AKNA: variants seen among roughly 807,000 people sequenced by gnomAD.
AKNA encodes AT-hook transcription factor, also known as microtubule organization protein AKNA.
Under a neutral mutation model 138.8 loss-of-function variants are expected in AKNA, and 67 were observed. That is an observed-to-expected ratio of 0.48 (90% confidence interval 0.40 to 0.59). The LOEUF (loss-of-function observed/expected upper bound fraction) is 0.59. Ranked by LOEUF, AKNA falls within the 20% of genes least tolerant of loss-of-function variation. The probability of loss-of-function intolerance (pLI) is 0.00; values close to 1 mark genes in which losing one functional copy is unlikely to be tolerated. For missense variants in AKNA, 1,813 were observed against 1,880.4 expected (o/e 0.96, Z 0.66); for synonymous variants, 737 against 754.4 (o/e 0.98, Z 0.38).
chr9:114,342,062 C>T lies in AKNA; in HGVS notation c.3821G>A (p.Cys1274Tyr). 6.2e-7 allele frequency: 1 copy of T among 1,613,772 alleles called. No homozygotes were observed. The highest frequency in any genetic ancestry group is 1.3e-5 in the African/African-American group (1 of 75,022). ...CTCTGGGGGAGACCCAACTTGACCA[C>T]ACAGGGGACACTGAAGGGTATCAGC... Reference protein sequence around the residue: ...PPADTLQCPLCGQVGSPPEAD... With the variant: ...PPADTLQCPLYGQVGSPPEAD... Residue 1274 changes from cysteine to tyrosine, a missense_variant, in exon 20 of 22, where the codon TGT becomes TAT. By Grantham distance (194) the Cys-to-Tyr change is radical. Coordinates refer to ENST00000374088, the MANE Select transcript of AKNA (RefSeq NM_001317950.2).
At chr9:114,393,167 G>A (rs570858272) in intron 1 of AKNA, among the ~76,000 whole-genome samples, 1 of 151,620 alleles carries the variant, frequency 6.6e-6, no homozygotes, top group South Asian at 2.1e-4. Flanking sequence ...TTTTATAGGT[G>A]AGGAAGCTGG....
At chr9:114,330,665 C>A, downstream of AKNA, 1 of 1,600,002 alleles carries the variant, frequency 6.2e-7, no homozygotes. Context: ...CTTGGCCTTC[C>A]CATGGGTGGA....
chr9:114,337,013 G>GTCCCCCCCCC lies in AKNA; in HGVS notation c.*40_*41insGGGGGGGGGA. ...CCACTCCTGGCCTGGCAGGCCACCT[G>GTCCCCCCCCC]CCCACCCACCCACCCATCTGCCTCT... is the stretch of plus-strand genomic sequence containing the variant. On this transcript the variant is annotated 3_prime_UTR_variant, in exon 22 of 22. Coordinates refer to ENST00000374088, the MANE Select transcript of AKNA (RefSeq NM_001317950.2). 1 of 1,185,370 alleles carries GTCCCCCCCCC rather than the reference G, an allele frequency of 8.4e-7. No homozygotes were observed. The highest frequency in any genetic ancestry group is 2.5e-5 in the South Asian group (1 of 40,612). The allele number at this position is 1,185,370 out of a possible 1,614,324, so 73.4% of individuals were successfully genotyped here.
At chr9:114,332,126 A>C (rs1398528434), downstream of AKNA, among the ~76,000 whole-genome samples, 1 of 151,728 alleles carries the variant, frequency 6.6e-6, no homozygotes, top group African/African-American at 2.4e-5. Context: ...AGGAGGGAGA[A>C]GTCCCTGTGA....
chr9:114,364,453 CT>C, intron 7 of AKNA, 106 bp downstream of exon 7: 1 of 1,175,888 alleles, frequency 8.5e-7, no homozygotes, highest in East Asian at 2.3e-5. Context: ...GACCCTGTGT[CT>C]GGGATTCTCT....
intron 4 of AKNA, among the ~76,000 whole-genome samples, chr9:114,370,608 G>A (rs951882594): frequency 6.6e-6 from 1 of 151,984 alleles, no homozygotes; most frequent in African/African-American, 2.4e-5. Flanking sequence ...ACACAGCCAG[G>A]GTGTCCCGGG....
chr9:114,363,434 G>A (rs1414839428), intron 7 of AKNA, among the ~76,000 whole-genome samples: 3 of 152,158 alleles, frequency 2.0e-5, no homozygotes, highest in African/African-American at 7.2e-5. Flanking sequence ...TGTATATGGG[G>A]GGATTAGAAC....
chr9:114,331,721 C>A (rs751517453), downstream of AKNA: 21 of 1,582,240 alleles, frequency 1.3e-5, no homozygotes, highest in East Asian at 3.6e-4. Context: ...TCAGGCCTCA[C>A]CCCCCATTCA....
intron 13 of AKNA, 66 bp downstream of exon 13, chr9:114,356,797 C>A: frequency 2.2e-6 from 3 of 1,346,384 alleles, no homozygotes. Context: ...CCATCACAGG[C>A]ACTGTGATTC....
In AKNA at chr9:114,346,721, C is replaced by T; in HGVS notation, c.3462G>A (p.Arg1154=). Residue 1154 remains arginine (R), a synonymous_variant, in exon 17 of 22, where the codon AGG becomes AGA. Transcript: ENST00000374088. ...RGEEQIVPPG[R]QRARSSSVPR... ...GCACTGAGGAAGACCTGGCTCGCTGCCTTCCTGGAGGGACAATCTGCTCTT... is the reference window on the plus strand; with the variant it reads ...GCACTGAGGAAGACCTGGCTCGCTGTCTTCCTGGAGGGACAATCTGCTCTT... The T allele has an allele frequency of 6.2e-7, 1 of 1,613,030 alleles. No homozygotes were observed. The highest frequency in any genetic ancestry group is 8.5e-7 in the Non-Finnish European group (1 of 1,179,548).
Position 114,355,939 on chromosome 9 carries a change from A to G in AKNA, c.3044T>C (p.Leu1015Pro). The G allele has an allele frequency of 1.9e-6, 3 of 1,614,178 alleles. No individual in the cohort carries two copies. Among genetic ancestry groups the G allele is most frequent in the Non-Finnish European group, 1.7e-6 (2 of 1,180,018 alleles). Residue 1015 changes from leucine (L) to proline (P), a missense_variant, in exon 14 of 22, where the codon CTG (leucine) becomes CCG (proline). Physicochemically the swap from Leu to Pro is moderately conservative, Grantham distance 98 (BLOSUM62 -3). Transcript: ENST00000374088. ...CCTGCACTCACCCATCTCGGCTGCCAGTGTCCGCTCCAGGCTGAAGTTGGG... is the reference window on the plus strand; with the variant it reads ...CCTGCACTCACCCATCTCGGCTGCCGGTGTCCGCTCCAGGCTGAAGTTGGG... ...RAPNFSLERTLAAEMAVPGSE... is the reference protein window; with the variant it reads ...RAPNFSLERTPAAEMAVPGSE...
Position 114,367,455 on chromosome 9 carries a change from C to A in AKNA, c.1728+88G>T, listed in dbSNP as rs1434155089. ...GGCAGGGGAATGACAAGTGAGACTC[C>A]CAGAGTGCCTCTCACCCAAGCAGGC... is the stretch of plus-strand genomic sequence containing the variant. On this transcript the variant is annotated intron_variant, in intron 6 of 21. Coordinates refer to ENST00000374088, the MANE Select transcript of AKNA (RefSeq NM_001317950.2). 10 of 1,474,682 alleles carry A rather than the reference C, an allele frequency of 6.8e-6. No individual in the cohort carries two copies. In the African/African-American group the frequency reaches 1.4e-4, roughly 21 times the overall value. The allele number at this position is 1,474,682 out of a possible 1,614,324, so 91.3% of individuals were successfully genotyped here.
chr9:114,359,498 A>G (rs1831760440), intron 11 of AKNA, 96 bp downstream of exon 11: 2 of 1,595,508 alleles, frequency 1.3e-6, no homozygotes, highest in Non-Finnish European at 1.7e-6. Flanking sequence ...AGCCATGTCT[A>G]AACTGTGAAG....
chr9:114,393,016 A>G (rs550159504), intron 1 of AKNA, among the ~76,000 whole-genome samples: 1 of 152,338 alleles, frequency 6.6e-6, no homozygotes, highest in East Asian at 1.9e-4. Context: ...TGCACGTGCC[A>G]GGAAGGGACT....
At chr9:114,364,506 G>A (rs1401507372) in intron 7 of AKNA, 54 bp downstream of exon 7, 4 of 1,572,990 alleles carry the variant, frequency 2.5e-6, no homozygotes, top group African/African-American at 2.7e-5. Flanking sequence ...ACAGAGTCAT[G>A]GGAGACAGTG....
intron 16 of AKNA, among the ~76,000 whole-genome samples, chr9:114,347,454 G>A (rs566360119): frequency 6.6e-6 from 1 of 152,124 alleles, no homozygotes; most frequent in Admixed American, 6.6e-5. Flanking sequence ...TCCTGAACTC[G>A]TCATCTTCCC....
Position 114,342,125 on chromosome 9 carries a change from C to T in AKNA, c.3758G>A (p.Gly1253Asp), listed in dbSNP as rs540812086. 2 of 1,580,962 alleles carry T rather than the reference C, an allele frequency of 1.3e-6. No homozygotes were observed. The highest frequency in any genetic ancestry group is 3.8e-5 in the Admixed American group (2 of 52,224). The change falls in exon 20 of 22, where the codon GGT (glycine) becomes GAT (aspartate). Residue 1253 changes from glycine to aspartate, a missense_variant and splice_region_variant. Coordinates refer to ENST00000374088, the MANE Select transcript of AKNA (RefSeq NM_001317950.2). ...HCRPIRTQDA[G>D]GAVTGDPLGP... is the part of the protein sequence containing the mutation. ...CAGTGGGTCCCCTGTGACAGCACCA[C>T]CTAGAAGAGGAGGAAGAGATGTCAG...
intron 15 of AKNA, among the ~76,000 whole-genome samples, chr9:114,348,675 A>C (rs1830876841): frequency 1.3e-5 from 2 of 152,192 alleles, no homozygotes; most frequent in African/African-American, 4.8e-5. Flanking sequence ...GTTTCTCTCC[A>C]ATCAGTCCCT....
chr9:114,343,726 T>C lies in AKNA; in HGVS notation c.3739A>G (p.Ile1247Val). The C allele has an allele frequency of 2.5e-6, 4 of 1,614,180 alleles. No homozygotes were observed. The South Asian group carries it at 3.3e-5, about 13-fold the overall frequency. ...GTVSCPHCRP[I>V]RTQDAGGAVT... is the part of the protein sequence containing the mutation. Reference sequence around the variant, plus strand: ...TCCTTACCCGCATCCTGGGTCCTAATGGGCCGGCAGTGGGGACAGGAGACT... The same window carrying C: ...TCCTTACCCGCATCCTGGGTCCTAACGGGCCGGCAGTGGGGACAGGAGACT... The change falls in exon 19 of 22, where the codon ATT becomes GTT. Residue 1247 changes from isoleucine to valine, a missense_variant. Transcript: ENST00000374088.
Sources: allele counts gnomAD v4.1 joint callset (sites outside exome capture counted in the v4.1 genomes callset), GRCh38; gene constraint gnomAD v4.1.1; transcripts MANE v1.5; gene names NCBI Gene and HGNC (gene_info 2026-07-23, HGNC 2026-07-21).